IGF1R: variants seen among roughly 807,000 people sequenced by gnomAD.
The protein encoded by IGF1R is insulin-like growth factor 1 receptor.
A neutral mutation model predicts 144.6 loss-of-function variants in IGF1R; 44 were observed. That is an observed-to-expected ratio of 0.30 (90% CI 0.24 to 0.39). IGF1R has a LOEUF of 0.39. Among genes scored for constraint, IGF1R ranks in the 10% least tolerant of loss-of-function variants. The pLI, the probability that IGF1R is intolerant of heterozygous loss-of-function variation, is 1.00. For synonymous variants in IGF1R, 795 were observed against 722.8 expected (o/e 1.10, Z -1.60); for missense variants, 1,355 against 1,833.7 (o/e 0.74, Z 4.77).
intron 2 of IGF1R, among the ~76,000 whole-genome samples, chr15:98,772,507 A>ATTG (rs1567121435): frequency 2.5e-5 from 3 of 118,704 alleles, no homozygotes; most frequent in Non-Finnish European, 3.4e-5. Flanking sequence ...TATTATTATT[A>ATTG]TTATTATTTT....
intron 1 of IGF1R, among the ~76,000 whole-genome samples, chr15:98,684,205 T>C (rs2053263415): frequency 6.6e-6 from 1 of 152,236 alleles, no homozygotes; most frequent in Non-Finnish European, 1.5e-5. Flanking sequence ...ACATAAATTC[T>C]GTGTTATGAA....
intron 2 of IGF1R, among the ~76,000 whole-genome samples, chr15:98,731,499 G>T (rs4580134): frequency 6.6e-6 from 1 of 152,232 alleles, no homozygotes; most frequent in East Asian, 1.9e-4. Flanking sequence ...ATGATGAAAG[G>T]TGAATCGTCG....
At chr15:98,654,955 T>C (rs1455462510) in intron 1 of IGF1R, among the ~76,000 whole-genome samples, 1 of 152,182 alleles carries the variant, frequency 6.6e-6, no homozygotes, top group Admixed American at 6.5e-5. Flanking sequence ...TGTAAAGATG[T>C]GATGTGGCTT....
At chr15:98,792,310 A>C (rs1203885866) in intron 2 of IGF1R, among the ~76,000 whole-genome samples, 1 of 152,210 alleles carries the variant, frequency 6.6e-6, no homozygotes, top group African/African-American at 2.4e-5. Flanking sequence ...CTAACACCCA[A>C]ATACATAACC....
intron 2 of IGF1R, among the ~76,000 whole-genome samples, chr15:98,875,685 G>A (rs764617914): frequency 4.6e-5 from 7 of 152,098 alleles, no homozygotes; most frequent in Admixed American, 6.5e-5. Context: ...ATCTTTCAAA[G>A]CAAATTCCTT....
rs1303949679 is a variant in IGF1R at position 98,649,140 on chromosome 15, G to C, written c.-442G>C. On this transcript the variant is annotated 5_prime_UTR_variant, in exon 1 of 21. Coordinates refer to ENST00000650285, the MANE Select transcript of IGF1R (RefSeq NM_000875.5). ...TCGGGGCGATCTTGCGAACTGCGTC[G>C]CGCCCTCCCGCGGCGGAAGCTCGGG... 4.6e-6 allele frequency: 1 copy of C among 218,322 alleles called. No individual in the cohort carries two copies. Among genetic ancestry groups the C allele is most frequent in the Non-Finnish European group, 9.2e-6 (1 of 108,668 alleles). 13.5% of individuals were successfully genotyped at this position (218,322 alleles called of 1,614,324 possible). A position where few individuals can be genotyped will look rare whatever the true frequency, so the allele number is the denominator to read the frequency against.
In IGF1R at chr15:98,957,307, C is replaced by T; in HGVS notation, c.3969C>T (p.His1323=). Residue 1323 remains histidine, a synonymous_variant, in exon 21 of 21, where the codon CAC becomes CAT. Coordinates refer to ENST00000650285, the MANE Select transcript of IGF1R (RefSeq NM_000875.5). ...CACTGCCCGACAGACACTCAGGACA[C>T]AAGGCCGAGAACGGCCCCGGCCCTG... ...SLPLPDRHSG[H]KAENGPGPGV... 6.2e-7 allele frequency: 1 copy of T among 1,613,242 alleles called. No individual in the cohort carries two copies. Among genetic ancestry groups the T allele is most frequent in the Non-Finnish European group, 8.5e-7 (1 of 1,179,398 alleles).
intron 2 of IGF1R, among the ~76,000 whole-genome samples, chr15:98,817,220 T>C (rs2056712371): frequency 6.6e-6 from 1 of 151,986 alleles, no homozygotes; most frequent in African/African-American, 2.4e-5. Flanking sequence ...GAGAATGGCT[T>C]GAACCCGGGA....
rs2013077227 is a variant in IGF1R at position 98,876,666 on chromosome 15, GTA to G, written c.641-14657_641-14656del. 3.9e-5 allele frequency among the ~76,000 whole-genome samples: 6 copies of G among 152,296 alleles called. No homozygotes were observed. In the South Asian group the frequency reaches 1.2e-3, roughly 32 times the overall value. On this transcript the variant is annotated intron_variant, in intron 2 of 20. Coordinates refer to ENST00000650285, the MANE Select transcript of IGF1R (RefSeq NM_000875.5). ...TTCCAAAGATGATAGTTTTACATTT[GTA>G]TGTTTTTTTCCGAGGCACTTTTGAA...
At position 98,939,283 on chromosome 15, in the gene IGF1R, A is replaced by C. The variant is rs2016277089; in HGVS notation, c.3380A>C (p.Asn1127Thr). 6.2e-7 allele frequency: 1 copy of C among 1,614,128 alleles called. No individual in the cohort carries two copies. The highest frequency in any genetic ancestry group is 2.2e-5 in the East Asian group (1 of 44,888). ...ATTGCAGACGGCATGGCATACCTCA[A>C]CGCCAATAAGTTCGTCCACAGAGAC... ...GEIADGMAYLNANKFVHRDLA... is the reference protein window; with the variant it reads ...GEIADGMAYLTANKFVHRDLA... The change falls in exon 18 of 21, where the codon AAC becomes ACC. Residue 1127 changes from asparagine to threonine, a missense_variant. Physicochemically the swap from Asn to Thr is moderately conservative, Grantham distance 65 (BLOSUM62 0). This residue lies in a region of IGF1R where 77 missense variants were observed against 163.2 expected (regional missense o/e 0.47). Coordinates refer to ENST00000650285, the MANE Select transcript of IGF1R (RefSeq NM_000875.5).
chr15:98,812,372 T>TC (rs2056610168), intron 2 of IGF1R, among the ~76,000 whole-genome samples: 3 of 151,394 alleles, frequency 2.0e-5, no homozygotes. Context: ...TTTTTTTTTT[T>TC]TCAAGGCAGA....
At chr15:98,884,899 A>G (rs1035421839) in intron 2 of IGF1R, among the ~76,000 whole-genome samples, 1 of 152,062 alleles carries the variant, frequency 6.6e-6, no homozygotes, top group Non-Finnish European at 1.5e-5. Context: ...AGGCTGTTCC[A>G]GGCTCTCCCT....
At chr15:98,892,095 T>C (rs1022165706) in intron 3 of IGF1R, among the ~76,000 whole-genome samples, 4 of 152,178 alleles carry the variant, frequency 2.6e-5, no homozygotes, top group African/African-American at 9.7e-5. Context: ...AACATCTTAG[T>C]GCAAGAGCTA....
intron 7 of IGF1R, among the ~76,000 whole-genome samples, chr15:98,912,641 T>C (rs931915872): frequency 1.3e-5 from 2 of 152,258 alleles, no homozygotes; most frequent in Non-Finnish European, 2.9e-5. Context: ...TAGAAGCTAC[T>C]TCTGTTTGTC....
chr15:98,771,742 G>GA (rs34724430), intron 2 of IGF1R, among the ~76,000 whole-genome samples: 139,910 of 152,024 alleles, frequency 0.92, 65,525 homozygotes, highest in East Asian at 1. Flanking sequence ...CATGAAAAGG[G>GA]AAAAAATTTA....
Position 98,648,896 on chromosome 15 carries a change from CGCAGA to C in IGF1R, c.-683_-679del, listed in dbSNP as rs897366672. On this transcript the variant is annotated 5_prime_UTR_variant, in exon 1 of 21. Transcript: ENST00000650285. ...GGGGCCGGCGCGGGGCGGGCGGCGG[CGCAGA>C]GCCGGGCGGCGCGGCGGGAGTGCTG... 6.7e-6 allele frequency: 1 copy of C among 149,060 alleles called. No homozygotes were observed. Among genetic ancestry groups the C allele is most frequent in the Non-Finnish European group, 1.5e-5 (1 of 67,308 alleles). The allele number at this position is 149,060 out of a possible 1,614,324, so 9.2% of individuals were successfully genotyped here.
chr15:98,920,626 T>G (rs2015444116), intron 10 of IGF1R, among the ~76,000 whole-genome samples: 2 of 152,208 alleles, frequency 1.3e-5, no homozygotes, highest in African/African-American at 4.8e-5. Context: ...AGCTAGTTGG[T>G]TGGTTTGCAG....
In IGF1R at chr15:98,924,080, G is replaced by A. The variant is rs553288799; in HGVS notation, c.2622+68G>A. 1.5e-4 allele frequency: 207 copies of A among 1,406,834 alleles called. 2 individuals carry two copies. The South Asian group carries it at 2.2e-3, about 15-fold the overall frequency. The allele number at this position is 1,406,834 out of a possible 1,614,324, so 87.1% of individuals were successfully genotyped here. A position where few individuals can be genotyped will look rare whatever the true frequency, so the allele number is the denominator to read the frequency against. On this transcript the variant is annotated intron_variant, in intron 12 of 20. Transcript: ENST00000650285. ...CATTGACAGCATATGCTACCTGACT[G>A]CACAGGTTACCTCCTGGTTAGCATA...
intron 2 of IGF1R, among the ~76,000 whole-genome samples, chr15:98,760,906 G>A (rs190817773): frequency 6.6e-5 from 10 of 152,388 alleles, no homozygotes; most frequent in South Asian, 2.1e-4. Context: ...CTTCTTGGCC[G>A]TGTTGTTTGC....
Sources: gnomAD v4.1 joint callset for allele counts (sites outside exome capture counted in the v4.1 genomes callset) on GRCh38, gnomAD v4.1.1 for gene constraint, gnomAD v4.1.1 regional missense constraint, MANE v1.5 for transcripts, NCBI Gene and HGNC (gene_info 2026-07-23, HGNC 2026-07-21) for gene names.